CEP112: variants seen among roughly 807,000 people sequenced by gnomAD.
The protein encoded by CEP112 is centrosomal protein of 112 kDa.
A neutral mutation model predicts 153.0 loss-of-function variants in CEP112; 127 were observed. The observed-to-expected ratio is 0.83, with a 90% CI of 0.72 to 0.96. The LOEUF (loss-of-function observed/expected upper bound fraction) is 0.96. CEP112 is among the 40% of genes least tolerant of loss of function. CEP112 has a pLI of 0.00. For synonymous variants in CEP112, 358 were observed against 374.4 expected (o/e 0.96, Z 0.51); for missense variants, 1,089 against 1,101.2 (o/e 0.99, Z 0.16).
intron 6 of CEP112, among the ~76,000 whole-genome samples, chr17:66,113,957 A>G (rs775336885): frequency 3.9e-5 from 6 of 152,236 alleles, no homozygotes; most frequent in African/African-American, 1.4e-4. Context: ...ATCTGTAAAC[A>G]GTCTTAACAT....
At chr17:66,162,912 T>A (rs1280057146) in intron 4 of CEP112, among the ~76,000 whole-genome samples, 1 of 152,102 alleles carries the variant, frequency 6.6e-6, no homozygotes, top group African/African-American at 2.4e-5. Flanking sequence ...GATTTTAACA[T>A]TTTACCAAAA....
chr17:65,655,065 A>C (rs1205857300), intron 24 of CEP112: 1 of 688,224 alleles, frequency 1.5e-6, no homozygotes, highest in Non-Finnish European at 2.8e-6. Flanking sequence ...CCAGAACCAA[A>C]ACCTATGATC....
intron 4 of CEP112, among the ~76,000 whole-genome samples, chr17:66,172,677 C>T (rs752177017): frequency 1.2e-4 from 18 of 152,150 alleles, no homozygotes; most frequent in Non-Finnish European, 2.4e-4. Flanking sequence ...TTCACCCGGA[C>T]TCCCTGGAAA....
At chr17:66,071,444 C>T (rs1226339011) in intron 8 of CEP112, among the ~76,000 whole-genome samples, 1 of 152,080 alleles carries the variant, frequency 6.6e-6, no homozygotes, top group African/African-American at 2.4e-5. Flanking sequence ...TATGACAAAG[C>T]TGGCCAGGTC....
chr17:65,970,528 G>T (rs1312454200), intron 17 of CEP112, among the ~76,000 whole-genome samples: 1 of 151,578 alleles, frequency 6.6e-6, no homozygotes, highest in African/African-American at 2.4e-5. Flanking sequence ...TTAAATACAT[G>T]TATAACACAT....
In CEP112 at chr17:66,063,019, G is replaced by C; in HGVS notation, c.1018C>G (p.Leu340Val). 13 of 1,600,080 alleles carry C rather than the reference G, an allele frequency of 8.1e-6. No homozygotes were observed. Among genetic ancestry groups the C allele is most frequent in the Non-Finnish European group, 1.1e-5 (13 of 1,173,870 alleles). The change falls in exon 11 of 27, where the codon CTG (leucine) becomes GTG (valine). Residue 340 changes from leucine (L) to valine (V), a missense_variant. Transcript: ENST00000535342. ...GTACTTTGTTCACATATCTTTTTCA[G>C]CTCTGCAATCTGGTCTTCTTTAGTC... ...RETKEDQIAE[L>V]KKICEQSTES...
chr17:65,989,890 T>C (rs908880178), intron 17 of CEP112, among the ~76,000 whole-genome samples: 1 of 152,184 alleles, frequency 6.6e-6, no homozygotes, highest in Admixed American at 6.5e-5. Flanking sequence ...AGATAAAGTA[T>C]GTAAGTTTTT....
At chr17:66,190,224 G>A (rs1403317580) in intron 1 of CEP112, among the ~76,000 whole-genome samples, 2 of 151,046 alleles carry the variant, frequency 1.3e-5, no homozygotes, top group African/African-American at 2.4e-5. Context: ...CAGGAGAATC[G>A]CTTGAACCTG....
chr17:65,662,603 T>C (rs558704398), intron 24 of CEP112, among the ~76,000 whole-genome samples: 2 of 152,284 alleles, frequency 1.3e-5, no homozygotes, highest in South Asian at 4.1e-4. Flanking sequence ...GAATTCATGG[T>C]AAAGAGTAAA....
intron 24 of CEP112, among the ~76,000 whole-genome samples, chr17:65,650,325 C>T (rs140245606): frequency 6.6e-6 from 1 of 152,180 alleles, no homozygotes; most frequent in African/African-American, 2.4e-5. Flanking sequence ...CAACTGACTC[C>T]CCTTTAGACA....
At chr17:65,685,478 A>G (rs527282500) in intron 24 of CEP112, among the ~76,000 whole-genome samples, 1 of 152,236 alleles carries the variant, frequency 6.6e-6, no homozygotes, top group East Asian at 1.9e-4. Context: ...AAGAGAAGAT[A>G]GTCCTCAGGG....
chr17:65,736,451 G>C (rs966530140), intron 23 of CEP112, among the ~76,000 whole-genome samples: 2 of 152,134 alleles, frequency 1.3e-5, no homozygotes, highest in Non-Finnish European at 2.9e-5. Flanking sequence ...GGGCTCAGGA[G>C]AAAAGTTTGA....
intron 24 of CEP112, among the ~76,000 whole-genome samples, chr17:65,684,505 A>T (rs1208100042): frequency 6.6e-6 from 1 of 152,206 alleles, no homozygotes; most frequent in Non-Finnish European, 1.5e-5. Context: ...CATGCTTTAC[A>T]CAGTGTTAAG....
chr17:65,734,166 A>G (rs549962938), intron 23 of CEP112, among the ~76,000 whole-genome samples: 2 of 152,344 alleles, frequency 1.3e-5, no homozygotes, highest in South Asian at 4.1e-4. Context: ...ACACTTCATT[A>G]GAGGGATGAA....
Position 66,012,577 on chromosome 17 carries a change from C to T in CEP112, c.1657-6808G>A, listed in dbSNP as rs187875049. On this transcript the variant is annotated intron_variant, in intron 16 of 26. Transcript: ENST00000535342. ...GGCCCCCAATGTCTTCTGATTTGTACGGTTTCTTCTGAGAGGTCTGCTGTT... is the reference window on the plus strand; with the variant it reads ...GGCCCCCAATGTCTTCTGATTTGTATGGTTTCTTCTGAGAGGTCTGCTGTT... Among the ~76,000 whole-genome samples, 19 of 152,264 alleles carry T rather than the reference C, an allele frequency of 1.2e-4. No homozygotes were observed. In the East Asian group the frequency reaches 1.5e-3, roughly 12 times the overall value.
At chr17:65,923,411 G>T (rs2060803706) in intron 19 of CEP112, among the ~76,000 whole-genome samples, 2 of 152,112 alleles carry the variant, frequency 1.3e-5, no homozygotes, top group African/African-American at 4.8e-5. Flanking sequence ...CAGGCACGGT[G>T]GCTCAAGCCT....
intron 17 of CEP112, among the ~76,000 whole-genome samples, chr17:65,989,756 T>C (rs1010205114): frequency 6.6e-6 from 1 of 152,166 alleles, no homozygotes; most frequent in African/African-American, 2.4e-5. Context: ...TGCAATTCAC[T>C]CATAACTCTA....
intron 20 of CEP112, among the ~76,000 whole-genome samples, chr17:65,886,804 A>G (rs759155582): frequency 3.3e-5 from 5 of 151,790 alleles, no homozygotes; most frequent in African/African-American, 4.8e-5. Context: ...CCTGAGCTCA[A>G]TCTACACAAC....
chr17:65,782,352 A>G (rs1189048819), intron 21 of CEP112, among the ~76,000 whole-genome samples: 1 of 152,158 alleles, frequency 6.6e-6, no homozygotes, highest in Non-Finnish European at 1.5e-5. Context: ...CATGTTGGTG[A>G]GGCTGCAGAG....
Sources: allele counts gnomAD v4.1 joint callset (sites outside exome capture counted in the v4.1 genomes callset), GRCh38; gene constraint gnomAD v4.1.1; transcripts MANE v1.5; gene names NCBI Gene and HGNC (gene_info 2026-07-23, HGNC 2026-07-21).